SPTBN5: variants seen among roughly 807,000 people sequenced by gnomAD.
SPTBN5 encodes the protein spectrin beta chain, non-erythrocytic 5.
Under a neutral mutation model 477.6 loss-of-function variants are expected in SPTBN5, and 513 were observed. The ratio of observed to expected loss-of-function variants is 1.07; its 90% CI spans 1.00 to 1.16. The LOEUF (loss-of-function observed/expected upper bound fraction) is 1.16. Among genes scored for constraint, SPTBN5 ranks in the 50% most tolerant of loss-of-function variants. SPTBN5 has a pLI of 0.00. For synonymous variants in SPTBN5, 2,169 were observed against 2,011.7 expected (o/e 1.08, Z -2.09); for missense variants, 5,062 against 4,731.8 (o/e 1.07, Z -2.05).
Position 41,866,947 on chromosome 15 carries a change from G to A in SPTBN5, c.6480+12C>T, listed in dbSNP as rs1387921735. 1.3e-6 allele frequency: 2 copies of A among 1,565,740 alleles called. No homozygotes were observed. Among genetic ancestry groups the A allele is most frequent in the Non-Finnish European group, 1.7e-6 (2 of 1,155,612 alleles). On this transcript the variant is annotated intron_variant, in intron 36 of 67. Transcript: ENST00000320955. ...TCCAGTGGAAGGCCCTGGGCTGGGGGTGCCCTCTGACCTGGGTTGCGGCCT... is the reference window on the plus strand; with the variant it reads ...TCCAGTGGAAGGCCCTGGGCTGGGGATGCCCTCTGACCTGGGTTGCGGCCT...
intron 63 of SPTBN5, 80 bp downstream of exon 63, chr15:41,851,699 A>T: frequency 1.8e-6 from 2 of 1,088,208 alleles, no homozygotes; most frequent in Non-Finnish European, 2.8e-6. Flanking sequence ...CAAGGGTGCC[A>T]GGCCCAGATG....
At chr15:41,870,664 G>C in intron 29 of SPTBN5, 104 bp from the exon 30 acceptor site, 1 of 936,072 alleles carries the variant, frequency 1.1e-6, no homozygotes, top group South Asian at 1.6e-5. Flanking sequence ...AGTTGTATCG[G>C]GACTTGCCCA....
intron 57 of SPTBN5, 49 bp from the exon 58 acceptor site, chr15:41,853,836 G>A (rs1595443032): frequency 2.0e-6 from 3 of 1,492,400 alleles, no homozygotes; most frequent in East Asian, 2.5e-5. Flanking sequence ...CTGAGCCGAT[G>A]CGTGCTCTGC....
chr15:41,863,694 C>T lies in SPTBN5; in HGVS notation c.7149+10G>A, dbSNP rs1427790666. 1.9e-6 allele frequency: 3 copies of T among 1,610,176 alleles called. No individual in the cohort carries two copies. Among genetic ancestry groups the T allele is most frequent in the Non-Finnish European group, 2.5e-6 (3 of 1,177,362 alleles). On this transcript the variant is annotated intron_variant, in intron 41 of 67. Transcript: ENST00000320955. ...CACAGCCCCCACCGGGACCTCTTTC[C>T]ACCACGTACCTTCTCCTGAATCCTC...
chr15:41,888,116 C>T (rs747627625), intron 4 of SPTBN5, 31 bp from the exon 5 acceptor site: 27 of 1,547,078 alleles, frequency 1.7e-5, no homozygotes, highest in Middle Eastern at 1.9e-4. Flanking sequence ...GGTCACCATG[C>T]GGGGATGGGG....
chr15:41,871,064 G>C (rs575900002), intron 29 of SPTBN5, among the ~76,000 whole-genome samples: 5 of 152,354 alleles, frequency 3.3e-5, no homozygotes, highest in Middle Eastern at 3.4e-3. Flanking sequence ...GGCATGGGCT[G>C]TCCCGAGTGA....
chr15:41,881,247 G>A lies in SPTBN5; in HGVS notation c.2458-13C>T, dbSNP rs1301271216. ...GGGCAGAGTTCACCTGTGTGACAAA[G>A]GGCAGCGCGTCTACAGGCGACCCCA... On this transcript the variant is annotated splice_polypyrimidine_tract_variant and intron_variant, in intron 12 of 67. Transcript: ENST00000320955. 4 of 1,591,610 alleles carry A rather than the reference G, an allele frequency of 2.5e-6. No individual in the cohort carries two copies. Among genetic ancestry groups the A allele is most frequent in the East Asian group, 4.5e-5 (2 of 44,704 alleles).
intron 45 of SPTBN5, 41 bp from the exon 46 acceptor site, chr15:41,861,537 T>G (rs777567518): frequency 6.3e-7 from 1 of 1,595,960 alleles, no homozygotes; most frequent in South Asian, 1.1e-5. Context: ...CGGTGGAGGG[T>G]CCAGCCACTG....
intron 32 of SPTBN5, 28 bp from the exon 33 acceptor site, chr15:41,868,629 C>A (rs377559440): frequency 1.3e-6 from 2 of 1,590,470 alleles, no homozygotes; most frequent in African/African-American, 1.3e-5. Flanking sequence ...GAGGGAGAGC[C>A]GGGTGAGGGC....
intron 9 of SPTBN5, 97 bp downstream of exon 9, chr15:41,882,899 A>G: frequency 7.2e-7 from 1 of 1,382,520 alleles, no homozygotes; most frequent in Non-Finnish European, 9.8e-7. Context: ...CAGTGTGGAG[A>G]AAACTGGCAG....
chr15:41,870,624 C>T lies in SPTBN5; in HGVS notation c.5448-64G>A, dbSNP rs528731722. On this transcript the variant is annotated intron_variant, in intron 29 of 67. Coordinates refer to ENST00000320955, the MANE Select transcript of SPTBN5 (RefSeq NM_016642.4). ...GCCGGGCCGTGTCATTCCTCCCTCCCGCTAGGTCTGGTCAGCCCGCTCCTC... is the reference window on the plus strand; with the variant it reads ...GCCGGGCCGTGTCATTCCTCCCTCCTGCTAGGTCTGGTCAGCCCGCTCCTC... 526 of 1,403,178 alleles carry T rather than the reference C, an allele frequency of 3.7e-4. 1 individual carries two copies. The highest frequency in any genetic ancestry group is 4.6e-4 in the Non-Finnish European group (470 of 1,017,052). The allele number at this position is 1,403,178 out of a possible 1,614,324, so 86.9% of individuals were successfully genotyped here.
chr15:41,886,120 C>T lies in SPTBN5; in HGVS notation c.1135G>A (p.Ala379Thr). ...LLFRLQTALQ[A>T]QNRRPFLPHE... ...GGCAGGAAGGGCCTGCGGTTCTGGG[C>T]TTGGAGTGCTGTCTGTAGCCGGAAG... Residue 379 changes from alanine (A) to threonine (T), a missense_variant, in exon 7 of 68, where the codon GCC becomes ACC. By Grantham distance (58) the Ala-to-Thr change is moderately conservative. Coordinates refer to ENST00000320955, the MANE Select transcript of SPTBN5 (RefSeq NM_016642.4). 1.2e-6 allele frequency: 2 copies of T among 1,610,886 alleles called. No individual in the cohort carries two copies. Among genetic ancestry groups the T allele is most frequent in the South Asian group, 2.2e-5 (2 of 90,944 alleles).
chr15:41,852,414 A>C, intron 61 of SPTBN5, 98 bp from the exon 62 acceptor site: 1 of 1,453,776 alleles, frequency 6.9e-7, no homozygotes, highest in Non-Finnish European at 9.2e-7. Flanking sequence ...CCTCCCGGTC[A>C]GAGGGGGCCT....
intron 4 of SPTBN5, among the ~76,000 whole-genome samples, 166 bp from the exon 5 acceptor site, chr15:41,888,251 A>G (rs1265501799): frequency 6.6e-6 from 1 of 152,226 alleles, no homozygotes; most frequent in Admixed American, 6.5e-5. Flanking sequence ...GCCCAATTTC[A>G]TCCACGGTGG....
intron 33 of SPTBN5, 71 bp from the exon 34 acceptor site, chr15:41,868,289 G>C: frequency 6.4e-7 from 1 of 1,563,234 alleles, no homozygotes; most frequent in Non-Finnish European, 8.6e-7. Context: ...GGATCCTGAG[G>C]GAAGCTCCTG....
chr15:41,867,723 T>G (rs761498939), intron 34 of SPTBN5, 81 bp from the exon 35 acceptor site: 16 of 1,326,192 alleles, frequency 1.2e-5, no homozygotes, highest in Non-Finnish European at 1.6e-5. Flanking sequence ...CCATGGGCAC[T>G]CTGGGTATGG....
chr15:41,848,708 G>GCCCTC, intron 67 of SPTBN5, 80 bp from the exon 68 acceptor site: 3 of 1,530,544 alleles, frequency 2.0e-6, no homozygotes, highest in Non-Finnish European at 2.7e-6. Context: ...TGGTGCCCCT[G>GCCCTC]CCCTCCCCTG....
At chr15:41,862,348 C>A in intron 43 of SPTBN5, 56 bp from the exon 44 acceptor site, 2 of 1,545,314 alleles carry the variant, frequency 1.3e-6, no homozygotes, top group Non-Finnish European at 1.7e-6. Context: ...CTCCCCCATG[C>A]CCACTGGTGT....
intron 56 of SPTBN5, 33 bp downstream of exon 56, chr15:41,854,749 C>A (rs771193401): frequency 6.8e-7 from 1 of 1,469,424 alleles, no homozygotes; most frequent in Non-Finnish European, 9.0e-7. Context: ...GACTCTGACA[C>A]CCCTTAGCTT....
Sources: gnomAD v4.1 joint callset for allele counts (sites outside exome capture counted in the v4.1 genomes callset) on GRCh38, gnomAD v4.1.1 for gene constraint, MANE v1.5 for transcripts, NCBI Gene and HGNC (gene_info 2026-07-23, HGNC 2026-07-21) for gene names.